The following FHIT variants were observed in gnomAD, a reference collection of about 807,000 sequenced individuals.
FHIT encodes the protein fragile histidine triad diadenosine triphosphatase.
FHIT carries 19 observed loss-of-function variants against 17.9 expected under a neutral mutation model. The observed-to-expected ratio is 1.06, with a 90% CI of 0.74 to 1.56. FHIT has a LOEUF of 1.56. Among genes scored for constraint, FHIT ranks in the 40% most tolerant of loss-of-function variants. FHIT has a pLI of 0.00. For synonymous variants in FHIT, 81 were observed against 69.7 expected (o/e 1.16, Z -0.81); for missense variants, 248 against 189.2 (o/e 1.31, Z -1.82).
chr3:60,853,668 T>C (rs575199855), intron 3 of FHIT, among the ~76,000 whole-genome samples: 96 of 152,272 alleles, frequency 6.3e-4, no homozygotes, highest in Admixed American at 1.3e-3. Flanking sequence ...GCCTTTAAGA[T>C]AAAGTGCCAG....
At chr3:60,779,380 G>A (rs1444393552) in intron 4 of FHIT, among the ~76,000 whole-genome samples, 1 of 152,126 alleles carries the variant, frequency 6.6e-6, no homozygotes, top group African/African-American at 2.4e-5. Flanking sequence ...CAGGAGGGAT[G>A]GGTAATGTAG....
chr3:60,510,889 A>G (rs1453452566), intron 5 of FHIT, among the ~76,000 whole-genome samples: 1 of 152,230 alleles, frequency 6.6e-6, no homozygotes, highest in Non-Finnish European at 1.5e-5. Context: ...TGTAAATTCA[A>G]TAGTACATAA....
chr3:59,946,594 T>C (rs888636901), intron 7 of FHIT, among the ~76,000 whole-genome samples: 12 of 152,204 alleles, frequency 7.9e-5, no homozygotes, highest in Non-Finnish European at 1.8e-4. Flanking sequence ...CTTGTTTTAT[T>C]ACAGTTCTCA....
chr3:59,855,074 C>A (rs1387648160), intron 8 of FHIT, among the ~76,000 whole-genome samples: 1 of 152,210 alleles, frequency 6.6e-6, no homozygotes, highest in Non-Finnish European at 1.5e-5. Flanking sequence ...GCACTCAGTA[C>A]TTGGATCTAT....
At chr3:60,979,680 A>G (rs1345908579) in intron 3 of FHIT, among the ~76,000 whole-genome samples, 1 of 152,116 alleles carries the variant, frequency 6.6e-6, no homozygotes, top group Non-Finnish European at 1.5e-5. Flanking sequence ...AGCAGGAAGG[A>G]TGTGCCAACC....
Position 60,824,058 on chromosome 3 carries a change from GC to G in FHIT, c.-110-2048del, listed in dbSNP as rs373308796. The stretch of plus-strand genomic sequence containing the variant: ...CTTATGGGCCACTCTAAGAACTTAG[GC>G]TTTTACTTGGAGCAAGGTGGGAAGC... On this transcript the variant is annotated intron_variant, in intron 3 of 9. Coordinates refer to ENST00000492590, the MANE Select transcript of FHIT (RefSeq NM_002012.4). Among the ~76,000 whole-genome samples the G allele has an allele frequency of 5.0e-3, 757 of 152,288 alleles. 4 individuals carry two copies. Among genetic ancestry groups the G allele is most frequent in the Non-Finnish European group, 8.6e-3 (587 of 68,022 alleles).
intron 5 of FHIT, among the ~76,000 whole-genome samples, chr3:60,490,201 T>C (rs1310346700): frequency 1.3e-5 from 2 of 152,134 alleles, no homozygotes; most frequent in Non-Finnish European, 1.5e-5. Flanking sequence ...TCTTACACTG[T>C]TTGTGTTTAT....
chr3:60,458,717 T>TA (rs1196373230), intron 5 of FHIT, among the ~76,000 whole-genome samples: 3 of 152,152 alleles, frequency 2.0e-5, no homozygotes, highest in Non-Finnish European at 4.4e-5. Context: ...CAAAAGCTGA[T>TA]ACAGGAGTCA....
chr3:60,131,072 TATGTATACAC>T (rs1434139693), intron 5 of FHIT, among the ~76,000 whole-genome samples: 13 of 47,158 alleles, frequency 2.8e-4, no homozygotes, highest in African/African-American at 1.4e-3. Flanking sequence ...CACATGTATG[TATGTATACAC>T]ATATATACAC....
At chr3:60,388,364 C>A (rs1475788828) in intron 5 of FHIT, among the ~76,000 whole-genome samples, 4 of 152,142 alleles carry the variant, frequency 2.6e-5, no homozygotes, top group East Asian at 1.9e-4. Context: ...CTTTGGGAAG[C>A]TGAGGCAGGC....
At chr3:61,034,112 A>G (rs1219934046) in intron 3 of FHIT, among the ~76,000 whole-genome samples, 1 of 152,206 alleles carries the variant, frequency 6.6e-6, no homozygotes, top group Non-Finnish European at 1.5e-5. Flanking sequence ...TATAAAAATT[A>G]ACCCAAAATG....
At chr3:59,991,810 C>G (rs1262343007) in intron 7 of FHIT, among the ~76,000 whole-genome samples, 1 of 152,000 alleles carries the variant, frequency 6.6e-6, no homozygotes, top group African/African-American at 2.4e-5. Context: ...ACCTTTATAC[C>G]TAGGCTCATG....
chr3:59,753,530 T>C (rs1701034574), intron 8 of FHIT, among the ~76,000 whole-genome samples: 2 of 152,206 alleles, frequency 1.3e-5, no homozygotes, highest in African/African-American at 4.8e-5. Flanking sequence ...TGTTCCTGTG[T>C]GTGGCTCTAT....
chr3:60,478,602 C>T (rs2033460209), intron 5 of FHIT, among the ~76,000 whole-genome samples: 1 of 152,098 alleles, frequency 6.6e-6, no homozygotes, highest in South Asian at 2.1e-4. Context: ...ATGACAGCTT[C>T]AAGAGCAGCA....
intron 2 of FHIT, among the ~76,000 whole-genome samples, chr3:61,195,572 T>C (rs2038832045): frequency 6.6e-6 from 1 of 152,204 alleles, no homozygotes; most frequent in African/African-American, 2.4e-5. Flanking sequence ...CTTTTTACAA[T>C]ACAGATTTTT....
At chr3:61,118,753 T>C (rs1332705863) in intron 2 of FHIT, among the ~76,000 whole-genome samples, 1 of 152,186 alleles carries the variant, frequency 6.6e-6, no homozygotes, top group African/African-American at 2.4e-5. Context: ...AAGAATTGAA[T>C]GTAAAGTAGA....
intron 5 of FHIT, among the ~76,000 whole-genome samples, chr3:60,240,428 C>G (rs1705066084): frequency 6.6e-6 from 1 of 152,128 alleles, no homozygotes; most frequent in African/African-American, 2.4e-5. Context: ...ACAACATATG[C>G]TACCGAGGAT....
At chr3:60,661,436 C>A (rs1294365860) in intron 4 of FHIT, among the ~76,000 whole-genome samples, 2 of 152,014 alleles carry the variant, frequency 1.3e-5, no homozygotes, top group African/African-American at 2.4e-5. Flanking sequence ...TCCACAATTT[C>A]TTTATCCACT....
At chr3:60,663,105 C>A (rs1553691576) in intron 4 of FHIT, among the ~76,000 whole-genome samples, 1 of 106,846 alleles carries the variant, frequency 9.4e-6, no homozygotes, top group East Asian at 3.0e-4. Flanking sequence ...TCTGCCAAAA[C>A]CATGTTGGTT....
Sources: allele counts gnomAD v4.1 joint callset (sites outside exome capture counted in the v4.1 genomes callset), GRCh38; gene constraint gnomAD v4.1.1; transcripts MANE v1.5; gene names NCBI Gene and HGNC (gene_info 2026-07-23, HGNC 2026-07-21).